The following SALL3 variants were observed in gnomAD, a reference collection of about 807,000 sequenced individuals.
The protein encoded by SALL3 is spalt like transcription factor 3, also known as sal-like protein 3.
SALL3 carries 25 observed loss-of-function variants against 66.2 expected under a neutral mutation model. The observed-to-expected ratio is 0.38, with a 90% CI of 0.28 to 0.53. The LOEUF is 0.53. Among genes scored for constraint, SALL3 ranks in the 20% least tolerant of loss-of-function variants. The pLI, the probability that SALL3 is intolerant of heterozygous loss-of-function variation, is 0.85. For synonymous variants in SALL3, 1,152 were observed against 899.1 expected, an observed-to-expected ratio of 1.28 and a Z score of -5.03; for missense variants, 2,194 against 1,916.5, an observed-to-expected ratio of 1.14 and a Z score of -2.70.
Position 78,993,397 on chromosome 18 carries a change from G to A in SALL3, c.1406G>A (p.Arg469Lys), listed in dbSNP as rs1355636558. The A allele has an allele frequency of 1.9e-6, 3 of 1,612,804 alleles. No homozygotes were observed. Among genetic ancestry groups the A allele is most frequent in the East Asian group, 2.2e-5 (1 of 44,822 alleles). Residue 469 changes from arginine (R) to lysine (K), a missense_variant, in exon 2 of 3, where the codon AGG becomes AAG. Arg to Lys is a conservative substitution (Grantham distance 26, BLOSUM62 2). Coordinates refer to ENST00000537592, the MANE Select transcript of SALL3 (RefSeq NM_171999.4). The stretch of plus-strand genomic sequence containing the variant: ...GGCAACCTGAAGGTGCACTTCCAGA[G>A]GCACAAGGAGAAGTACCCCCACATC... ...TKGNLKVHFQRHKEKYPHIQM... is the reference protein window; with the variant it reads ...TKGNLKVHFQKHKEKYPHIQM...
chr18:78,998,112 C>G lies in SALL3; in HGVS notation c.*790C>G, dbSNP rs567847953. 2.7e-5 allele frequency: 4 copies of G among 150,422 alleles called. No homozygotes were observed. Among genetic ancestry groups the G allele is most frequent in the Non-Finnish European group, 5.9e-5 (4 of 67,798 alleles). 9.3% of individuals were successfully genotyped at this position (150,422 alleles called of 1,614,324 possible). ...AGCCCAATAACTGGGGAACGAGTTA[C>G]AGACAAACATCACCGTAAATGACTC... On this transcript the variant is annotated 3_prime_UTR_variant, in exon 3 of 3. Coordinates refer to ENST00000537592, the MANE Select transcript of SALL3 (RefSeq NM_171999.4).
In SALL3 at chr18:78,980,282, G is replaced by C; in HGVS notation, c.8G>C (p.Arg3Pro). The change falls in exon 1 of 3, where the codon CGG (arginine) becomes CCG (proline). Residue 3 changes from arginine (R) to proline (P), a missense_variant. Physicochemically the swap from Arg to Pro is moderately radical, Grantham distance 103. Coordinates refer to ENST00000537592, the MANE Select transcript of SALL3 (RefSeq NM_171999.4). MS[R>P]RKQAKPQHLK... is the part of the protein sequence containing the mutation. The stretch of plus-strand genomic sequence containing the variant: ...CCGAGCGCCGCTAGCAGCATGTCTC[G>C]GCGCAAGCAGGCCAAGCCCCAGCAC... The C allele has an allele frequency of 1.4e-6, 2 of 1,381,522 alleles. No homozygotes were observed. Among genetic ancestry groups the C allele is most frequent in the Non-Finnish European group, 1.9e-6 (2 of 1,055,696 alleles). 85.6% of individuals were successfully genotyped at this position (1,381,522 alleles called of 1,614,324 possible).
At position 78,979,891 on chromosome 18, in the gene SALL3, G is replaced by A. The variant is rs1402170105; in HGVS notation, c.-384G>A. 6.9e-6 allele frequency among the ~76,000 whole-genome samples: 1 copy of A among 144,624 alleles called. No homozygotes were observed. The highest frequency in any genetic ancestry group is 6.8e-5 in the Admixed American group (1 of 14,632). The allele number at this position is 144,624 out of a possible 152,430, so 94.9% of individuals were successfully genotyped here. A position where few individuals can be genotyped will look rare whatever the true frequency, so the allele number is the denominator to read the frequency against. On this transcript the variant is annotated 5_prime_UTR_variant, in exon 1 of 3. Transcript: ENST00000537592. ...CGGAGGGACGGCCACCGCGGCCCGC[G>A]CCGCACCCGGGCCCCGCCACAGCCG...
At position 78,992,147 on chromosome 18, in the gene SALL3, G is replaced by C; in HGVS notation, c.156G>C (p.Val52=). 6.2e-7 allele frequency: 1 copy of C among 1,607,762 alleles called. No homozygotes were observed. The highest frequency in any genetic ancestry group is 8.5e-7 in the Non-Finnish European group (1 of 1,178,014). The part of the protein sequence containing the change: ...ESRSGGEETS[V]CEKCCAEFFK... ...GCAGCGGGGGCGAGGAGACCAGCGTGTGCGAGAAATGCTGCGCCGAGTTCT... is the reference window on the plus strand; with the variant it reads ...GCAGCGGGGGCGAGGAGACCAGCGTCTGCGAGAAATGCTGCGCCGAGTTCT... The change falls in exon 2 of 3, where the codon GTG becomes GTC. Residue 52 remains valine, a synonymous_variant. Transcript: ENST00000537592.
Position 78,993,129 on chromosome 18 carries a change from A to G in SALL3, c.1138A>G (p.Ile380Val), listed in dbSNP as rs780061115. 3 of 1,605,642 alleles carry G rather than the reference A, an allele frequency of 1.9e-6. No homozygotes were observed. In the South Asian group the frequency reaches 3.3e-5, roughly 18 times the overall value. ...GVIFPNPLVS[I>V]AATANALDPL... Reference sequence around the variant, plus strand: ...CATCTTCCCCAACCCGCTGGTCAGCATCGCGGCCACGGCCAACGCTCTGGA... The same window carrying G: ...CATCTTCCCCAACCCGCTGGTCAGCGTCGCGGCCACGGCCAACGCTCTGGA... Residue 380 changes from isoleucine to valine, a missense_variant, in exon 2 of 3, where the codon ATC (isoleucine) becomes GTC (valine). Physicochemically the swap from Ile to Val is conservative, Grantham distance 29. Transcript: ENST00000537592.
At chr18:78,996,064 G>T (rs997862486) in intron 2 of SALL3, among the ~76,000 whole-genome samples, 22 of 152,314 alleles carry the variant, frequency 1.4e-4, no homozygotes, top group Admixed American at 1.4e-3. Flanking sequence ...GTACCAAGGC[G>T]AGGCCACTCA....
intron 1 of SALL3, among the ~76,000 whole-genome samples, chr18:78,987,670 C>T (rs751939885): frequency 1.3e-5 from 2 of 152,148 alleles, no homozygotes; most frequent in East Asian, 1.9e-4. Context: ...TCAGCTAAGG[C>T]GGGTTGTGGC....
intron 2 of SALL3, 86 bp downstream of exon 2, chr18:78,995,548 C>T (rs560842370): frequency 1.4e-6 from 2 of 1,467,742 alleles, no homozygotes; most frequent in South Asian, 2.8e-5. Flanking sequence ...ACACAGCGGC[C>T]GAGGTCCTGC....
rs1440948394 is a variant in SALL3 at position 78,993,323 on chromosome 18, C to T, written c.1332C>T (p.Gly444=). 1.2e-6 allele frequency: 2 copies of T among 1,612,296 alleles called. No homozygotes were observed. Among genetic ancestry groups the T allele is most frequent in the Admixed American group, 1.7e-5 (1 of 59,978 alleles). The change falls in exon 2 of 3, where the codon GGC becomes GGT. Residue 444 remains glycine, a synonymous_variant. Transcript: ENST00000537592. The stretch of plus-strand genomic sequence containing the variant: ...AGATCCACCTGCGCTCGCACACAGG[C>T]GAGCGGCCCTTCAAGTGCAACATCT... ...ALQIHLRSHT[G]ERPFKCNICG...
chr18:78,997,565 A>C lies in SALL3; in HGVS notation c.*243A>C. 3 of 520,922 alleles carry C rather than the reference A, an allele frequency of 5.8e-6. No homozygotes were observed. Among genetic ancestry groups the C allele is most frequent in the South Asian group, 3.5e-5 (1 of 28,826 alleles). 32.3% of individuals were successfully genotyped at this position (520,922 alleles called of 1,614,324 possible). Reference sequence around the variant, plus strand: ...CTTCAAAAAAAAAAGTGCTTGGAAAACCGCCTTAGGAACAGAAAGAGCTCA... The same window carrying C: ...CTTCAAAAAAAAAAGTGCTTGGAAACCCGCCTTAGGAACAGAAAGAGCTCA... On this transcript the variant is annotated 3_prime_UTR_variant, in exon 3 of 3. Coordinates refer to ENST00000537592, the MANE Select transcript of SALL3 (RefSeq NM_171999.4).
chr18:78,997,458 G>A lies in SALL3; in HGVS notation c.*136G>A. On this transcript the variant is annotated 3_prime_UTR_variant, in exon 3 of 3. Coordinates refer to ENST00000537592, the MANE Select transcript of SALL3 (RefSeq NM_171999.4). ...CACTTTGTGCGGCTGCCGAGAGGTG[G>A]TCTTGTAAGCGCTGCATGGCGCTCC... 1 of 841,908 alleles carries A rather than the reference G, an allele frequency of 1.2e-6. No individual in the cohort carries two copies. Among genetic ancestry groups the A allele is most frequent in the Non-Finnish European group, 1.9e-6 (1 of 539,682 alleles). The allele number at this position is 841,908 out of a possible 1,614,324, so 52.2% of individuals were successfully genotyped here.
rs753629859 is a variant in SALL3, at chr18:78,992,558, C to T, written c.567C>T (p.Gly189=). ...TCTCGCAGGGCGCGCGCGCGGCAGG[C>T]GGCTCGGGAGCAGGTGGAGGCGTGG... ...AQFSQGARAA[G]GSGAGGGVAA... is the part of the protein sequence containing the mutation. The change falls in exon 2 of 3, where the codon GGC becomes GGT. Residue 189 remains glycine (G), a synonymous_variant. Coordinates refer to ENST00000537592, the MANE Select transcript of SALL3 (RefSeq NM_171999.4). 10 of 1,500,546 alleles carry T rather than the reference C, an allele frequency of 6.7e-6. No individual in the cohort carries two copies. The highest frequency in any genetic ancestry group is 4.4e-6 in the Non-Finnish European group (5 of 1,132,862). 93.0% of individuals were successfully genotyped at this position (1,500,546 alleles called of 1,614,324 possible).
In SALL3 at chr18:78,993,859, C is replaced by T. The variant is rs1440085735; in HGVS notation, c.1868C>T (p.Ser623Leu). The part of the protein sequence containing the change: ...VGAQASAAPT[S>L]VDGAPTSLGS... ...GCGCAGGCTAGCGCTGCACCCACAT[C>T]GGTGGACGGCGCACCCACGAGCCTC... Residue 623 changes from serine (S) to leucine (L), a missense_variant, in exon 2 of 3, where the codon TCG becomes TTG. By Grantham distance (145) the Ser-to-Leu change is moderately radical. Coordinates refer to ENST00000537592, the MANE Select transcript of SALL3 (RefSeq NM_171999.4). The T allele has an allele frequency of 1.3e-6, 2 of 1,561,042 alleles. No homozygotes were observed. The highest frequency in any genetic ancestry group is 1.7e-6 in the Non-Finnish European group (2 of 1,155,032).
intron 1 of SALL3, among the ~76,000 whole-genome samples, chr18:78,991,419 C>T (rs1422481270): frequency 6.8e-6 from 1 of 146,456 alleles, no homozygotes; most frequent in Non-Finnish European, 1.5e-5. Flanking sequence ...TCTGAGTTGG[C>T]GGAGATTGTT....
chr18:78,990,730 C>G (rs1443045404), intron 1 of SALL3, among the ~76,000 whole-genome samples: 11 of 152,186 alleles, frequency 7.2e-5, no homozygotes, highest in Admixed American at 7.2e-4. Context: ...GTGCAGCTGT[C>G]ATTGTGTCTG....
Position 78,993,723 on chromosome 18 carries a change from T to A in SALL3, c.1732T>A (p.Ser578Thr). 1 of 1,552,602 alleles carries A rather than the reference T, an allele frequency of 6.4e-7. No individual in the cohort carries two copies. The highest frequency in any genetic ancestry group is 1.4e-5 in the African/African-American group (1 of 73,556). ...PGLNHVESGVSATAESPQSLL... is the reference protein window; with the variant it reads ...PGLNHVESGVTATAESPQSLL... ...CCTCAACCACGTGGAGTCCGGCGTG[T>A]CGGCCACCGCCGAGTCCCCACAGTC... The change falls in exon 2 of 3, where the codon TCG (serine) becomes ACG (threonine). Residue 578 changes from serine (S) to threonine (T), a missense_variant. Physicochemically the swap from Ser to Thr is moderately conservative, Grantham distance 58 (BLOSUM62 1). Coordinates refer to ENST00000537592, the MANE Select transcript of SALL3 (RefSeq NM_171999.4).
intron 1 of SALL3, chr18:78,991,666 CAGATT>C (rs1398772289): frequency 5.5e-6 from 1 of 182,144 alleles, no homozygotes; most frequent in African/African-American, 2.3e-5. Context: ...TGAAAGGTTA[CAGATT>C]AGTTTAGCAA....
chr18:78,995,144 C>T lies in SALL3; in HGVS notation c.3153C>T (p.Ser1051=), dbSNP rs1293915081. 2 of 1,613,568 alleles carry T rather than the reference C, an allele frequency of 1.2e-6. No individual in the cohort carries two copies. Among genetic ancestry groups the T allele is most frequent in the African/African-American group, 2.7e-5 (2 of 74,936 alleles). ...FALGPSQSTP[S]LISSAAPTMI... ...TAGGTCCCAGCCAAAGCACTCCTAG[C>T]CTGATCTCCAGCGCCGCACCCACCA... Residue 1051 remains serine, a synonymous_variant, in exon 2 of 3, where the codon AGC becomes AGT. Coordinates refer to ENST00000537592, the MANE Select transcript of SALL3 (RefSeq NM_171999.4).
At position 78,997,112 on chromosome 18, in the gene SALL3, C is replaced by T. The variant is rs774017269; in HGVS notation, c.3693C>T (p.Ser1231=). 16 of 1,614,096 alleles carry T rather than the reference C, an allele frequency of 9.9e-6. No individual in the cohort carries two copies. The highest frequency in any genetic ancestry group is 6.7e-5 in the Admixed American group (4 of 60,032). Residue 1231 remains serine (S), a synonymous_variant, in exon 3 of 3, where the codon TCC becomes TCT. Transcript: ENST00000537592. ...TCGCCATGAAGAACAACGAGATCTC[C>T]GTCATCCAGAACGGCGGCATCCCCC... is the stretch of plus-strand genomic sequence containing the variant. The part of the protein sequence containing the change: ...NGLAMKNNEI[S]VIQNGGIPQL...
Sources: gnomAD v4.1 joint callset for allele counts (sites outside exome capture counted in the v4.1 genomes callset) on GRCh38, gnomAD v4.1.1 for gene constraint, MANE v1.5 for transcripts, NCBI Gene and HGNC (gene_info 2026-07-23, HGNC 2026-07-21) for gene names.